NUP210: variants seen among roughly 807,000 people sequenced by gnomAD.
NUP210 encodes nuclear pore membrane glycoprotein 210.
Under a neutral mutation model 196.0 loss-of-function variants are expected in NUP210, and 151 were observed. The ratio of observed to expected loss-of-function variants is 0.77; its 90% CI spans 0.67 to 0.88. The LOEUF is 0.88. NUP210 is among the 40% of genes least tolerant of loss of function. The pLI, the probability that NUP210 is intolerant of heterozygous loss-of-function variation, is 0.00. For missense variants in NUP210, 2,314 were observed against 2,493.7 expected, an observed-to-expected ratio of 0.93 and a Z score of 1.53; for synonymous variants, 1,070 against 1,052.7, an observed-to-expected ratio of 1.02 and a Z score of -0.32.
rs779608251 is a variant in NUP210, at chr3:13,336,914, G to A, written c.3557C>T (p.Pro1186Leu). ...IMRMRTGTQMPIYVTGITNHQ... is the reference protein window; with the variant it reads ...IMRMRTGTQMLIYVTGITNHQ... ...GTTGGTGATGCCGGTGACATAGATG[G>A]GCATCTGCAGGGGAGAAGTCAGGCC... Residue 1186 changes from proline to leucine, a missense_variant, in exon 27 of 40, where the codon CCC becomes CTC. Physicochemically the swap from Pro to Leu is moderately conservative, Grantham distance 98 (BLOSUM62 -3). Coordinates refer to ENST00000254508, the MANE Select transcript of NUP210 (RefSeq NM_024923.4). The A allele has an allele frequency of 1.9e-6, 3 of 1,613,268 alleles. No homozygotes were observed. Among genetic ancestry groups the A allele is most frequent in the Middle Eastern group, 1.7e-4 (1 of 6,058 alleles).
intron 13 of NUP210, 146 bp downstream of exon 13, chr3:13,371,688 G>A (rs1360367407): frequency 8.2e-6 from 6 of 732,184 alleles, no homozygotes; most frequent in African/African-American, 3.5e-5. Flanking sequence ...ACAGACTGTG[G>A]ATCAGGAGAC....
intron 11 of NUP210, among the ~76,000 whole-genome samples, chr3:13,374,837 C>G (rs1227241317): frequency 2.6e-5 from 4 of 152,204 alleles, no homozygotes; most frequent in Non-Finnish European, 5.9e-5. Context: ...AGAGCCGGTG[C>G]CAGTGCACAG....
intron 3 of NUP210, among the ~76,000 whole-genome samples, chr3:13,396,790 T>C (rs1440079576): frequency 3.6e-5 from 5 of 138,114 alleles, no homozygotes; most frequent in Admixed American, 3.6e-4. Context: ...AAAGTTTCCC[T>C]TACTTCCTTT....
chr3:13,401,264 A>AAAAAAG (rs1699830101), intron 1 of NUP210, among the ~76,000 whole-genome samples: 1 of 147,346 alleles, frequency 6.8e-6, no homozygotes. Flanking sequence ...TGGCTCAAAA[A>AAAAAAG]AAAAAAAAAA....
At chr3:13,326,756 A>T (rs1696769816) in intron 32 of NUP210, among the ~76,000 whole-genome samples, 1 of 152,252 alleles carries the variant, frequency 6.6e-6, no homozygotes, top group African/African-American at 2.4e-5. Flanking sequence ...GTTCCTCAGC[A>T]GCAGCAGAGA....
chr3:13,336,673 G>T, intron 27 of NUP210, 114 bp downstream of exon 27: 1 of 1,181,344 alleles, frequency 8.5e-7, no homozygotes, highest in Non-Finnish European at 1.2e-6. Context: ...GGCCTCTCTA[G>T]GTGTGAGGGT....
chr3:13,409,734 C>T (rs1700103671), intron 1 of NUP210, among the ~76,000 whole-genome samples: 1 of 151,998 alleles, frequency 6.6e-6, no homozygotes, highest in African/African-American at 2.4e-5. Flanking sequence ...CAAAACAAGG[C>T]CACAGGCCTC....
intron 20 of NUP210, 36 bp from the exon 21 acceptor site, chr3:13,343,339 T>TGGGGGGGGGGGTGGGGGGGGGGGTGGG: frequency 3.5e-6 from 1 of 282,522 alleles, no homozygotes. Flanking sequence ...GGGTGGGTGG[T>TGGGGGGGGGGGTGGGGGGGGGGGTGGG]GGGTTACGCA....
At chr3:13,321,875 C>G (rs760031657) in intron 35 of NUP210, 40 bp from the exon 36 acceptor site, 1 of 1,584,350 alleles carries the variant, frequency 6.3e-7, no homozygotes, top group African/African-American at 1.3e-5. Context: ...CCCTCTCCTG[C>G]CCGTGCACTG....
At chr3:13,415,951 C>T (rs1203298445) in intron 1 of NUP210, among the ~76,000 whole-genome samples, 3 of 152,158 alleles carry the variant, frequency 2.0e-5, no homozygotes, top group Admixed American at 6.5e-5. Context: ...GACATCCACA[C>T]GCAAGGGTAG....
intron 1 of NUP210, among the ~76,000 whole-genome samples, chr3:13,417,066 A>G (rs1484576017): frequency 6.6e-6 from 1 of 152,184 alleles, no homozygotes; most frequent in Non-Finnish European, 1.5e-5. Flanking sequence ...TTGTCACAAA[A>G]CCAGTGCTGG....
intron 15 of NUP210, 73 bp from the exon 16 acceptor site, chr3:13,358,468 A>C (rs1698262919): frequency 7.1e-7 from 1 of 1,412,442 alleles, no homozygotes; most frequent in Non-Finnish European, 9.6e-7. Flanking sequence ...GCCACACCCC[A>C]CCCCAGCTCC....
At chr3:13,382,859 G>C (rs1159492896) in intron 6 of NUP210, among the ~76,000 whole-genome samples, 1 of 152,090 alleles carries the variant, frequency 6.6e-6, no homozygotes, top group Admixed American at 6.6e-5. Flanking sequence ...AAACAATCCA[G>C]CTAGGCTGAG....
At chr3:13,366,889 C>G (rs1321618369) in intron 13 of NUP210, among the ~76,000 whole-genome samples, 1 of 151,880 alleles carries the variant, frequency 6.6e-6, no homozygotes, top group Non-Finnish European at 1.5e-5. Flanking sequence ...CTTTGGGAGG[C>G]TGAGATGGGC....
At chr3:13,338,125 G>A (rs1014414012) in intron 25 of NUP210, among the ~76,000 whole-genome samples, 2 of 152,196 alleles carry the variant, frequency 1.3e-5, no homozygotes, top group Non-Finnish European at 2.9e-5. Context: ...CTCTCCCAAG[G>A]CCCCGCAGGT....
At chr3:13,413,620 T>A (rs987066555) in intron 1 of NUP210, among the ~76,000 whole-genome samples, 4 of 152,258 alleles carry the variant, frequency 2.6e-5, no homozygotes, top group African/African-American at 9.6e-5. Context: ...GGCGTCTGCC[T>A]GTTCTCTTGG....
chr3:13,360,467 A>T lies in NUP210; in HGVS notation c.1957T>A (p.Leu653Met). ...TCCTTTGAGGAGCCCAGGGTTACCA[A>T]GGCAACAGAGGAGGGATCCACAGCC... Reference protein sequence around the residue: ...LKAVDPSSVALVTLGSSKEML... With the variant: ...LKAVDPSSVAMVTLGSSKEML... Residue 653 changes from leucine (L) to methionine (M), a missense_variant, in exon 15 of 40, where the codon TTG becomes ATG. Coordinates refer to ENST00000254508, the MANE Select transcript of NUP210 (RefSeq NM_024923.4). 1.9e-6 allele frequency: 3 copies of T among 1,611,698 alleles called. No homozygotes were observed. The highest frequency in any genetic ancestry group is 2.5e-6 in the Non-Finnish European group (3 of 1,178,974).
intron 32 of NUP210, 119 bp from the exon 33 acceptor site, chr3:13,326,050 C>T (rs1361200523): frequency 7.6e-7 from 1 of 1,312,528 alleles, no homozygotes; most frequent in African/African-American, 1.4e-5. Context: ...CATGGGGGCT[C>T]ACTCAGCAGC....
At chr3:13,320,016 C>A in intron 36 of NUP210, 37 bp from the exon 37 acceptor site, 1 of 1,589,816 alleles carries the variant, frequency 6.3e-7, no homozygotes, top group Non-Finnish European at 8.6e-7. Flanking sequence ...GCACATTCTG[C>A]AGAGTGGGGG....
Sources: allele counts gnomAD v4.1 joint callset (sites outside exome capture counted in the v4.1 genomes callset), GRCh38; gene constraint gnomAD v4.1.1; transcripts MANE v1.5; gene names NCBI Gene and HGNC (gene_info 2026-07-23, HGNC 2026-07-21).